ZDHHC17: variants seen among roughly 807,000 people sequenced by gnomAD.
The protein encoded by ZDHHC17 is palmitoyltransferase ZDHHC17.
In ZDHHC17, 40 loss-of-function variants were observed where a neutral mutation model predicts 90.3. The ratio of observed to expected loss-of-function variants is 0.44; its 90% confidence interval spans 0.34 to 0.58. ZDHHC17 has a LOEUF of 0.58. Ranked by LOEUF, ZDHHC17 falls within the 20% of genes least tolerant of loss-of-function variation. The pLI, the probability that ZDHHC17 is intolerant of heterozygous loss-of-function variation, is 0.01. For missense variants in ZDHHC17, 614 were observed against 780.8 expected (o/e 0.79, Z 2.55); for synonymous variants, 235 against 252.4 (o/e 0.93, Z 0.65).
At chr12:76,813,523 T>C in intron 5 of ZDHHC17, 1 of 291,516 alleles carries the variant, frequency 3.4e-6, no homozygotes. Context: ...ATTTTTTTTC[T>C]TCAATATGCT....
intron 13 of ZDHHC17, chr12:76,846,178 A>ATT (rs1172397482): frequency 8.7e-6 from 2 of 229,214 alleles, no homozygotes; most frequent in Non-Finnish European, 1.7e-5. Context: ...GTCTAAGGAG[A>ATT]GAAACTACAT....
At chr12:76,785,903 A>G (rs1210862498) in intron 1 of ZDHHC17, among the ~76,000 whole-genome samples, 1 of 152,186 alleles carries the variant, frequency 6.6e-6, no homozygotes, top group South Asian at 2.1e-4. Context: ...ATGATTGCCG[A>G]AATGTCCTCT....
intron 1 of ZDHHC17, among the ~76,000 whole-genome samples, chr12:76,765,002 G>A (rs1952415812): frequency 6.6e-6 from 1 of 152,204 alleles, no homozygotes; most frequent in African/African-American, 2.4e-5. Flanking sequence ...CAACATGAGT[G>A]TCTTCCCATG....
chr12:76,785,150 G>A (rs1417409819), intron 1 of ZDHHC17, among the ~76,000 whole-genome samples: 1 of 151,962 alleles, frequency 6.6e-6, no homozygotes, highest in Non-Finnish European at 1.5e-5. Context: ...ACTTCTTTTT[G>A]TTCCCTAATC....
chr12:76,832,259 A>G (rs1327336081), intron 10 of ZDHHC17, among the ~76,000 whole-genome samples: 1 of 152,230 alleles, frequency 6.6e-6, no homozygotes, highest in Non-Finnish European at 1.5e-5. Context: ...CAGGTACCTT[A>G]AGATAAAATA....
intron 1 of ZDHHC17, among the ~76,000 whole-genome samples, chr12:76,776,716 A>G (rs1177588788): frequency 6.6e-6 from 1 of 152,182 alleles, no homozygotes; most frequent in Admixed American, 6.5e-5. Context: ...TTACATTTCA[A>G]GTGTTTATTA....
chr12:76,846,776 T>G, intron 14 of ZDHHC17, 97 bp downstream of exon 14: 1 of 1,078,854 alleles, frequency 9.3e-7, no homozygotes, highest in Non-Finnish European at 1.3e-6. Context: ...CAAAGGTCGT[T>G]TAACTAAAAT....
intron 1 of ZDHHC17, among the ~76,000 whole-genome samples, chr12:76,789,787 CAAAG>C (rs1158870088): frequency 6.6e-6 from 1 of 151,980 alleles, no homozygotes; most frequent in Non-Finnish European, 1.5e-5. Context: ...AGAAAAACGT[CAAAG>C]AAATCCCAGT....
rs368702049 is a variant in ZDHHC17 at position 76,797,767 on chromosome 12, AC to A, written c.197+234del. On this transcript the variant is annotated intron_variant, in intron 2 of 16. Coordinates refer to ENST00000426126, the MANE Select transcript of ZDHHC17 (RefSeq NM_015336.4). ...AGACCAGCCTGGCCGACATGGTGAA[AC>A]CCCGTCTCTACTAAAAATACAAAAA... is the stretch of plus-strand genomic sequence containing the variant. 6.5e-4 allele frequency among the ~76,000 whole-genome samples: 99 copies of A among 152,110 alleles called. 1 individual carries two copies. The highest frequency in any genetic ancestry group is 2.1e-3 in the African/African-American group (86 of 41,474).
intron 1 of ZDHHC17, among the ~76,000 whole-genome samples, chr12:76,771,391 A>G (rs1213231756): frequency 2.0e-5 from 3 of 152,146 alleles, no homozygotes; most frequent in Non-Finnish European, 2.9e-5. Flanking sequence ...ATTATTTTCT[A>G]GGGTTAATAC....
intron 10 of ZDHHC17, among the ~76,000 whole-genome samples, chr12:76,830,584 G>T (rs1026466531): frequency 6.6e-6 from 1 of 152,078 alleles, no homozygotes; most frequent in Non-Finnish European, 1.5e-5. Context: ...GGAACACTTA[G>T]TATGAGTAAA....
intron 1 of ZDHHC17, among the ~76,000 whole-genome samples, chr12:76,782,612 G>C (rs1346395629): frequency 1.3e-5 from 2 of 152,128 alleles, no homozygotes; most frequent in Non-Finnish European, 2.9e-5. Flanking sequence ...TGTTCCACTG[G>C]AGTAGGAGCT....
rs570724489 is a variant in ZDHHC17 at position 76,786,512 on chromosome 12, T to C, written c.94-10922T>C. 2.6e-3 allele frequency among the ~76,000 whole-genome samples: 393 copies of C among 152,252 alleles called. 3 individuals are homozygous for C. Among genetic ancestry groups the C allele is most frequent in the African/African-American group, 9.3e-3 (386 of 41,558 alleles). On this transcript the variant is annotated intron_variant, in intron 1 of 16. Coordinates refer to ENST00000426126, the MANE Select transcript of ZDHHC17 (RefSeq NM_015336.4). ...CTCAAGCAGTCCACCCGCCTCGGCC[T>C]CCCAAAGTGCTGGGATTACAGGCAT... is the stretch of plus-strand genomic sequence containing the variant.
At chr12:76,814,949 G>A (rs1953066127) in intron 5 of ZDHHC17, among the ~76,000 whole-genome samples, 197 bp from the exon 6 acceptor site, 2 of 152,028 alleles carry the variant, frequency 1.3e-5, no homozygotes, top group South Asian at 2.1e-4. Flanking sequence ...TAATGTAAAA[G>A]CATGATATAT....
intron 1 of ZDHHC17, among the ~76,000 whole-genome samples, chr12:76,782,780 C>G (rs1952641765): frequency 6.6e-6 from 1 of 151,978 alleles, no homozygotes; most frequent in African/African-American, 2.4e-5. Flanking sequence ...AAAAATACCT[C>G]AGTGTAGAAC....
chr12:76,776,267 T>G (rs1952558896), intron 1 of ZDHHC17, among the ~76,000 whole-genome samples: 1 of 152,172 alleles, frequency 6.6e-6, no homozygotes, highest in East Asian at 1.9e-4. Flanking sequence ...AATTTAAGTT[T>G]CAGCATGGGT....
chr12:76,843,302 T>C (rs1480304188), intron 12 of ZDHHC17, among the ~76,000 whole-genome samples: 2 of 152,152 alleles, frequency 1.3e-5, no homozygotes, highest in African/African-American at 4.8e-5. Flanking sequence ...GATTCCCTAA[T>C]AGATTGTTTT....
At chr12:76,768,939 G>GT (rs1322224721) in intron 1 of ZDHHC17, 5 of 166,670 alleles carry the variant, frequency 3.0e-5, no homozygotes, top group Middle Eastern at 1.0e-3. Context: ...TTATGGTAAC[G>GT]TTTTTTATTT....
chr12:76,809,604 A>C, intron 4 of ZDHHC17, 109 bp from the exon 5 acceptor site: 1 of 916,308 alleles, frequency 1.1e-6, no homozygotes, highest in Non-Finnish European at 1.5e-6. Context: ...ATAACTTTTC[A>C]AAATACATAC....
Sources: allele counts gnomAD v4.1 joint callset (sites outside exome capture counted in the v4.1 genomes callset), GRCh38; gene constraint gnomAD v4.1.1; transcripts MANE v1.5; gene names NCBI Gene and HGNC (gene_info 2026-07-23, HGNC 2026-07-21).